DDR2: variants seen among roughly 807,000 people sequenced by gnomAD.
DDR2 encodes discoidin domain receptor tyrosine kinase 2, also known as discoidin domain-containing receptor 2.
A neutral mutation model predicts 94.9 loss-of-function variants in DDR2; 27 were observed. The ratio of observed to expected loss-of-function variants is 0.28; its 90% confidence interval spans 0.21 to 0.39. DDR2 has a LOEUF of 0.39. DDR2 is among the 10% of genes least tolerant of loss of function. The probability of loss-of-function intolerance (pLI) is 1.00; values close to 1 mark genes in which losing one functional copy is unlikely to be tolerated. For synonymous variants in DDR2, 382 were observed against 377.2 expected, an observed-to-expected ratio of 1.01 and a Z score of -0.15; for missense variants, 783 against 1,076.0, an observed-to-expected ratio of 0.73 and a Z score of 3.81.
chr1:162,669,391 C>T (rs73020558), intron 2 of DDR2, among the ~76,000 whole-genome samples: 122 of 152,240 alleles, frequency 8.0e-4, no homozygotes, highest in African/African-American at 2.3e-3. Context: ...TGGAGATGAT[C>T]GAATACCATT....
Position 162,772,076 on chromosome 1 carries a change from C to A in DDR2, c.1557C>A (p.Pro519=). 2 of 1,613,672 alleles carry A rather than the reference C, an allele frequency of 1.2e-6. No homozygotes were observed. The highest frequency in any genetic ancestry group is 8.5e-7 in the Non-Finnish European group (1 of 1,179,926). The change falls in exon 13 of 18, where the codon CCC becomes CCA. Residue 519 remains proline (P), a synonymous_variant. Coordinates refer to ENST00000367921, the MANE Select transcript of DDR2 (RefSeq NM_006182.4). The part of the protein sequence containing the change: ...PVQPSGPEGV[P]HYAEADIVNL... ...AGCCCAGTGGCCCTGAGGGGGTGCC[C>A]CACTATGCAGAGGCTGACATAGTGA...
At chr1:162,668,218 T>C (rs1658675166) in intron 2 of DDR2, among the ~76,000 whole-genome samples, 1 of 152,210 alleles carries the variant, frequency 6.6e-6, no homozygotes, top group Non-Finnish European at 1.5e-5. Context: ...TACAATTTTA[T>C]TGGAAAGCCA....
At chr1:162,732,216 G>T (rs1392372264) in intron 3 of DDR2, among the ~76,000 whole-genome samples, 1 of 152,166 alleles carries the variant, frequency 6.6e-6, no homozygotes, top group East Asian at 1.9e-4. Flanking sequence ...TATACCCAAA[G>T]AATAGCCCTG....
In DDR2 at chr1:162,776,296, A is replaced by C. The variant is rs370379829; in HGVS notation, c.2209A>C (p.Ser737Arg). Residue 737 changes from serine to arginine, a missense_variant, in exon 16 of 18, where the codon AGT becomes CGT. Transcript: ENST00000367921. ...ADFGMSRNLY[S>R]GDYYRIQGRA... ...CTTTGGAATGAGCAGGAACCTGTAC[A>C]GTGGTGACTATTACCGGATCCAGGG... 1.2e-5 allele frequency: 20 copies of C among 1,613,920 alleles called. No individual in the cohort carries two copies. Among genetic ancestry groups the C allele is most frequent in the Non-Finnish European group, 1.6e-5 (19 of 1,179,982 alleles).
chr1:162,741,560 T>C, intron 3 of DDR2: 2 of 984,968 alleles, frequency 2.0e-6, no homozygotes, highest in South Asian at 9.4e-5. Flanking sequence ...TTGCAAACTG[T>C]TAAGAATTCT....
intron 14 of DDR2, among the ~76,000 whole-genome samples, chr1:162,775,398 T>C (rs1647475294): frequency 1.3e-5 from 2 of 152,232 alleles, no homozygotes; most frequent in African/African-American, 2.4e-5. Context: ...TTTTGTTAGA[T>C]GTGAGGGATA....
At chr1:162,713,829 A>G (rs1279435755) in intron 2 of DDR2, among the ~76,000 whole-genome samples, 1 of 152,152 alleles carries the variant, frequency 6.6e-6, no homozygotes, top group Non-Finnish European at 1.5e-5. Context: ...GTGTACACAC[A>G]CAAGTCTTTC....
intron 3 of DDR2, among the ~76,000 whole-genome samples, chr1:162,749,114 A>G (rs1250865101): frequency 6.6e-6 from 1 of 152,192 alleles, no homozygotes; most frequent in Non-Finnish European, 1.5e-5. Context: ...GCAAGAGCAA[A>G]CACATTCAAA....
At chr1:162,752,655 T>C (rs1663270210) in intron 3 of DDR2, among the ~76,000 whole-genome samples, 2 of 152,298 alleles carry the variant, frequency 1.3e-5, no homozygotes, top group South Asian at 4.1e-4. Flanking sequence ...CTTTATAGTT[T>C]TTATGCAATT....
chr1:162,754,318 C>A (rs899362148), intron 4 of DDR2, among the ~76,000 whole-genome samples: 1 of 152,108 alleles, frequency 6.6e-6, no homozygotes, highest in East Asian at 1.9e-4. Flanking sequence ...ATGACTCATG[C>A]GGGAACAGAG....
intron 2 of DDR2, among the ~76,000 whole-genome samples, chr1:162,669,369 G>A (rs556316247): frequency 6.6e-6 from 1 of 152,216 alleles, no homozygotes; most frequent in South Asian, 2.1e-4. Flanking sequence ...CTGTTCAAAG[G>A]CTATGAAACA....
At position 162,772,004 on chromosome 1, in the gene DDR2, C is replaced by T. The variant is rs3738807; in HGVS notation, c.1505-20C>T. 0.065 allele frequency: 102,463 copies of T among 1,580,484 alleles called. 5,334 individuals are homozygous for T. Among genetic ancestry groups the T allele is most frequent in the Admixed American group, 0.24 (13,028 of 54,782 alleles). ...AAAGACACTCCACGGAATGAGGGCTCGTTGCCCTTGTCTTCCCAGGCTGCA... is the reference window on the plus strand; with the variant it reads ...AAAGACACTCCACGGAATGAGGGCTTGTTGCCCTTGTCTTCCCAGGCTGCA... On this transcript the variant is annotated intron_variant, in intron 12 of 17. Transcript: ENST00000367921.
intron 8 of DDR2, among the ~76,000 whole-genome samples, chr1:162,760,356 A>AG (rs1663653876): frequency 1.3e-5 from 1 of 75,928 alleles, no homozygotes; most frequent in Admixed American, 1.2e-4. Flanking sequence ...TTACCAGCAC[A>AG]GTTGTGTGTG....
At chr1:162,690,774 C>T (rs1238250874) in intron 2 of DDR2, among the ~76,000 whole-genome samples, 1 of 152,076 alleles carries the variant, frequency 6.6e-6, no homozygotes, top group Non-Finnish European at 1.5e-5. Flanking sequence ...TCACACAAGC[C>T]CTCATGCCTG....
chr1:162,737,931 G>A (rs1284422390), intron 3 of DDR2, among the ~76,000 whole-genome samples: 7 of 151,600 alleles, frequency 4.6e-5, no homozygotes, highest in Admixed American at 2.0e-4. Flanking sequence ...ATTTTTTCAT[G>A]TGTTTTTTGG....
In DDR2 at chr1:162,772,462, T is replaced by G. The variant is rs1046717913; in HGVS notation, c.1728+215T>G. ...GGGACTTCTGATTTCTATATAGGAG[T>G]TTTTAAGGCAGGCAAGTCACTAGAC... On this transcript the variant is annotated intron_variant, in intron 13 of 17. Coordinates refer to ENST00000367921, the MANE Select transcript of DDR2 (RefSeq NM_006182.4). 6 of 575,162 alleles carry G rather than the reference T, an allele frequency of 1.0e-5. No homozygotes were observed. The East Asian group carries it at 1.8e-4, about 18-fold the overall frequency. 35.6% of individuals were successfully genotyped at this position (575,162 alleles called of 1,614,324 possible). A position where few individuals can be genotyped will look rare whatever the true frequency, so the allele number is the denominator to read the frequency against.
At chr1:162,655,896 G>A (rs1179134938) in intron 2 of DDR2, among the ~76,000 whole-genome samples, 1 of 152,192 alleles carries the variant, frequency 6.6e-6, no homozygotes, top group Non-Finnish European at 1.5e-5. Flanking sequence ...CAAGAGTCCT[G>A]TAATTATATT....
intron 2 of DDR2, among the ~76,000 whole-genome samples, chr1:162,679,897 A>G (rs1282058671): frequency 1.3e-5 from 2 of 151,910 alleles, no homozygotes; most frequent in Non-Finnish European, 1.5e-5. Context: ...GATGTCAAGT[A>G]TTTTTTTCGT....
At chr1:162,647,412 A>G (rs1657468172) in intron 1 of DDR2, among the ~76,000 whole-genome samples, 1 of 152,166 alleles carries the variant, frequency 6.6e-6, no homozygotes, top group African/African-American at 2.4e-5. Context: ...GTCCCAATCT[A>G]CACCCCAAGA....
Sources: gnomAD v4.1 joint callset for allele counts (sites outside exome capture counted in the v4.1 genomes callset) on GRCh38, gnomAD v4.1.1 for gene constraint, MANE v1.5 for transcripts, NCBI Gene and HGNC (gene_info 2026-07-23, HGNC 2026-07-21) for gene names.